VIPR1: variants seen among roughly 807,000 people sequenced by gnomAD.
The protein encoded by VIPR1 is vasoactive intestinal peptide receptor 1.
Under a neutral mutation model 58.8 loss-of-function variants are expected in VIPR1, and 59 were observed. That is an observed-to-expected ratio of 1.00 (90% CI 0.81 to 1.25). The LOEUF is 1.25. Among genes scored for constraint, VIPR1 ranks in the 50% most tolerant of loss-of-function variants. The pLI is 0.00. For synonymous variants in VIPR1, 251 were observed against 242.1 expected (o/e 1.04, Z -0.34); for missense variants, 626 against 602.7 (o/e 1.04, Z -0.40).
intron 9 of VIPR1, 82 bp from the exon 10 acceptor site, chr3:42,532,160 A>G (rs1038363500): frequency 1.2e-4 from 161 of 1,393,800 alleles, no homozygotes; most frequent in Non-Finnish European, 1.6e-4. Flanking sequence ...ACCCTGGGAA[A>G]GAAGACAGGC....
chr3:42,502,729 G>A lies in VIPR1; in HGVS notation c.-7G>A. ...CGGGGCCGCCCGCCGCGGGCTCAGG[G>A]CAGACCATGCGCCCGCCAAGTCCGC... On this transcript the variant is annotated 5_prime_UTR_variant, in exon 1 of 13. Transcript: ENST00000325123. 1.5e-6 allele frequency: 2 copies of A among 1,322,928 alleles called. No individual in the cohort carries two copies. Among genetic ancestry groups the A allele is most frequent in the Non-Finnish European group, 9.6e-7 (1 of 1,039,918 alleles). The allele number at this position is 1,322,928 out of a possible 1,614,324, so 81.9% of individuals were successfully genotyped here. A position where few individuals can be genotyped will look rare whatever the true frequency, so the allele number is the denominator to read the frequency against.
At chr3:42,501,019 G>A (rs577252259), upstream of VIPR1, among the ~76,000 whole-genome samples, 10 of 152,244 alleles carry the variant, frequency 6.6e-5, no homozygotes, top group South Asian at 1.0e-3. This position sits in a 1 kb window ranked among gnomAD's most constrained non-coding sequence, Gnocchi z 4.8. Context: ...CACAGAAAGA[G>A]ATTAATAAAT....
chr3:42,521,682 G>A (rs1276634042), intron 3 of VIPR1: 1 of 152,162 alleles, frequency 6.6e-6, no homozygotes, highest in Non-Finnish European at 1.5e-5. Flanking sequence ...GAAGGAGGGA[G>A]TTTGGCCAGG....
At chr3:42,535,990 G>C in intron 12 of VIPR1, 100 bp from the exon 13 acceptor site, 1 of 1,369,492 alleles carries the variant, frequency 7.3e-7, no homozygotes, top group Non-Finnish European at 9.8e-7. Flanking sequence ...TTCCTAAAGA[G>C]AATAAGACTG....
rs746749772 is a variant in VIPR1 at position 42,532,272 on chromosome 3, C to T, written c.949C>T (p.Arg317Ter). 2.4e-5 allele frequency: 38 copies of T among 1,614,022 alleles called. No individual in the cohort carries two copies. Among genetic ancestry groups the T allele is most frequent in the East Asian group, 2.2e-4 (10 of 44,892 alleles). Residue 317 changes from arginine (R) to a stop codon, truncating the protein, a stop_gained, in exon 10 of 13, where the codon CGA becomes TGA. Coordinates refer to ENST00000325123, the MANE Select transcript of VIPR1 (RefSeq NM_004624.4). LOFTEE classifies it high-confidence loss of function. ...VNFILFICII[R>*]ILLQKLRPPD... ...CTTCATCCTGTTTATTTGCATCATC[C>T]GAATCCTGCTTCAGAAACTGCGGCC... is the stretch of plus-strand genomic sequence containing the variant.
upstream of VIPR1, chr3:42,502,499 C>A (rs909019581): frequency 8.5e-6 from 3 of 352,712 alleles, no homozygotes; most frequent in African/African-American, 6.4e-5. Flanking sequence ...CTGGCAGGGG[C>A]TCCCCAGCCC....
At chr3:42,523,364 C>T (rs375076044) in intron 3 of VIPR1, among the ~76,000 whole-genome samples, 1 of 152,136 alleles carries the variant, frequency 6.6e-6, no homozygotes, top group East Asian at 1.9e-4. Context: ...TCTCCTTCAC[C>T]ATCTATGGCA....
At chr3:42,522,139 T>C (rs551350860) in intron 3 of VIPR1, among the ~76,000 whole-genome samples, 1 of 124,514 alleles carries the variant, frequency 8.0e-6, no homozygotes, top group African/African-American at 3.0e-5. Context: ...TTAGACAGCG[T>C]CTCGCTCTGT....
rs1701316328 is a variant in VIPR1, at chr3:42,527,856, C to G, written c.504-135C>G. 3.9e-6 allele frequency: 5 copies of G among 1,266,794 alleles called. No individual in the cohort carries two copies. The South Asian group carries it at 7.1e-5, about 18-fold the overall frequency. The allele number at this position is 1,266,794 out of a possible 1,614,324, so 78.5% of individuals were successfully genotyped here. A position where few individuals can be genotyped will look rare whatever the true frequency, so the allele number is the denominator to read the frequency against. ...TGGGGCTCGTATTTCAGGATGGGAT[C>G]CCCTTTGAGGCGGGGCCTGCCCTCT... On this transcript the variant is annotated intron_variant, in intron 5 of 12. Coordinates refer to ENST00000325123, the MANE Select transcript of VIPR1 (RefSeq NM_004624.4).
chr3:42,490,621 A>G (rs1699648555), intron 1 of VIPR1, among the ~76,000 whole-genome samples: 1 of 152,226 alleles, frequency 6.6e-6, no homozygotes, highest in African/African-American at 2.4e-5. Flanking sequence ...GGGTAGAGAA[A>G]GGGCAGATGT....
At chr3:42,536,045 A>C in intron 12 of VIPR1, 45 bp from the exon 13 acceptor site, 1 of 1,534,978 alleles carries the variant, frequency 6.5e-7, no homozygotes, top group Non-Finnish European at 8.8e-7. Flanking sequence ...TCAGCAGTGG[A>C]AGAGGCTCCA....
At chr3:42,510,600 C>T (rs542619328) in intron 1 of VIPR1, among the ~76,000 whole-genome samples, 1 of 152,276 alleles carries the variant, frequency 6.6e-6, no homozygotes, top group Admixed American at 6.5e-5. Context: ...CAGTCCAGAC[C>T]AGCGGTCAGA....
At chr3:42,512,333 T>C (rs1347117657) in intron 1 of VIPR1, 3 of 152,238 alleles carry the variant, frequency 2.0e-5, no homozygotes. Flanking sequence ...GGAAAGGACT[T>C]GGCTGTGCAG....
At chr3:42,535,307 T>C (rs375319846) in intron 11 of VIPR1, 36 bp from the exon 12 acceptor site, 91 of 1,613,114 alleles carry the variant, frequency 5.6e-5, no homozygotes, top group Non-Finnish European at 6.0e-5. Context: ...GCTTCTGGTC[T>C]GTCTACCTCA....
chr3:42,495,171 G>A (rs986274501), intron 1 of VIPR1, among the ~76,000 whole-genome samples: 2 of 151,978 alleles, frequency 1.3e-5, no homozygotes, highest in African/African-American at 4.8e-5. Context: ...ACCCAGGCTG[G>A]AGTGCAGTGG....
At chr3:42,517,781 GC>G (rs1254235486) in intron 2 of VIPR1, among the ~76,000 whole-genome samples, 1 of 152,180 alleles carries the variant, frequency 6.6e-6, no homozygotes, top group Admixed American at 6.5e-5. Context: ...TTCGAGACCA[GC>G]CTGGCCAACA....
chr3:42,495,800 A>T (rs761986314), intron 1 of VIPR1, among the ~76,000 whole-genome samples: 1 of 152,042 alleles, frequency 6.6e-6, no homozygotes, highest in African/African-American at 2.4e-5. Context: ...AAAAGTAGGG[A>T]ATCTTATAGC....
chr3:42,490,683 T>C (rs2125621987), intron 1 of VIPR1, among the ~76,000 whole-genome samples: 1 of 151,390 alleles, frequency 6.6e-6, no homozygotes, highest in South Asian at 2.1e-4. Context: ...AGGTGATAAG[T>C]GTTATGAAGA....
rs1701310951 is a variant in VIPR1, at chr3:42,527,746, C to A, written c.504-245C>A. On this transcript the variant is annotated intron_variant, in intron 5 of 12. Coordinates refer to ENST00000325123, the MANE Select transcript of VIPR1 (RefSeq NM_004624.4). ...ACAGGGCACCAGAGAGTGGGGCCTGCACACAGGAATGAGGCTTCTGGGGCC... is the reference window on the plus strand; with the variant it reads ...ACAGGGCACCAGAGAGTGGGGCCTGAACACAGGAATGAGGCTTCTGGGGCC... The A allele has an allele frequency of 1.7e-5, 11 of 645,624 alleles. No individual in the cohort carries two copies. In the South Asian group the frequency reaches 2.1e-4, roughly 13 times the overall value. 40.0% of individuals were successfully genotyped at this position (645,624 alleles called of 1,614,324 possible). A position where few individuals can be genotyped will look rare whatever the true frequency, so the allele number is the denominator to read the frequency against.
Sources: gnomAD v4.1 joint callset for allele counts (sites outside exome capture counted in the v4.1 genomes callset) on GRCh38, gnomAD v4.1.1 for gene constraint, Gnocchi (gnomAD v3.1) non-coding constraint, MANE v1.5 for transcripts, NCBI Gene and HGNC (gene_info 2026-07-23, HGNC 2026-07-21) for gene names.